KIDINS220: variants seen among roughly 807,000 people sequenced by gnomAD.
KIDINS220 encodes the protein kinase D interacting substrate 220.
Under a neutral mutation model 157.6 loss-of-function variants are expected in KIDINS220, and 63 were observed. That is an observed-to-expected ratio of 0.40 (90% CI 0.33 to 0.49). KIDINS220 has a LOEUF of 0.49. Among genes scored for constraint, KIDINS220 ranks in the 20% least tolerant of loss-of-function variants. The probability of loss-of-function intolerance (pLI) is 0.66; values close to 1 mark genes in which losing one functional copy is unlikely to be tolerated. For missense variants in KIDINS220, 1,772 were observed against 2,171.2 expected (o/e 0.82, Z 3.65); for synonymous variants, 732 against 783.6 (o/e 0.93, Z 1.10).
intron 6 of KIDINS220, among the ~76,000 whole-genome samples, chr2:8,807,499 C>T (rs1474159802): frequency 6.6e-6 from 1 of 152,204 alleles, no homozygotes; most frequent in Non-Finnish European, 1.5e-5. Flanking sequence ...CACTTGAATG[C>T]TATGTGGCTA....
At position 8,827,043 on chromosome 2, in the gene KIDINS220, GT is replaced by G; in HGVS notation, c.50del (p.Asn17ThrfsTer5). On this transcript the variant is annotated frameshift_variant, in exon 2 of 30. Coordinates refer to ENST00000256707, the MANE Select transcript of KIDINS220 (RefSeq NM_020738.4). LOFTEE classifies it high-confidence loss of function. ...CAAGAAGAGCTTTCAGAGCAGGAAT[GT>G]TTTCTTCCTCTACATAATTTATGAC... ...QSVINYVEEENIPALKALLEK... is the reference protein window; with the variant it reads ...QSVINYVEEEXIPALKALLEK... 1 of 1,610,298 alleles carries G rather than the reference GT, an allele frequency of 6.2e-7. No individual in the cohort carries two copies. Among genetic ancestry groups the G allele is most frequent in the Non-Finnish European group, 8.5e-7 (1 of 1,177,538 alleles).
rs369877582 is a variant in KIDINS220 at position 8,798,192 on chromosome 2, C to T, written c.999+10G>A. 1.5e-5 allele frequency: 22 copies of T among 1,504,218 alleles called. No individual in the cohort carries two copies. Among genetic ancestry groups the T allele is most frequent in the Non-Finnish European group, 1.9e-5 (21 of 1,081,298 alleles). The allele number at this position is 1,504,218 out of a possible 1,614,324, so 93.2% of individuals were successfully genotyped here. A position where few individuals can be genotyped will look rare whatever the true frequency, so the allele number is the denominator to read the frequency against. ...AGGTGCTGCTAACAGAATAGAAATG[C>T]CATTTATACCTTTGTGCATATTTCA... On this transcript the variant is annotated intron_variant, in intron 10 of 29. Coordinates refer to ENST00000256707, the MANE Select transcript of KIDINS220 (RefSeq NM_020738.4).
In KIDINS220 at chr2:8,750,161, C is replaced by A; in HGVS notation, c.3365G>T (p.Ser1122Ile). 2 of 1,614,168 alleles carry A rather than the reference C, an allele frequency of 1.2e-6. No homozygotes were observed. Among genetic ancestry groups the A allele is most frequent in the Non-Finnish European group, 1.7e-6 (2 of 1,180,000 alleles). ...AGGVVSPQPH[S>I]SYYSGMTGPQ... ...GCCCGTCATGCCGCTGTAATAGCTGCTGTGAGGCTGTGGTGACACCACTCC... is the reference window on the plus strand; with the variant it reads ...GCCCGTCATGCCGCTGTAATAGCTGATGTGAGGCTGTGGTGACACCACTCC... The change falls in exon 24 of 30, where the codon AGC becomes ATC. Residue 1122 changes from serine (S) to isoleucine (I), a missense_variant. By Grantham distance (142) the Ser-to-Ile change is moderately radical. Transcript: ENST00000256707.
At chr2:8,828,613 G>C (rs771957162) in intron 1 of KIDINS220, among the ~76,000 whole-genome samples, 10 of 152,172 alleles carry the variant, frequency 6.6e-5, no homozygotes, top group Non-Finnish European at 1.2e-4. Context: ...ACTTCTAGAA[G>C]AAAATATAGA....
intron 22 of KIDINS220, among the ~76,000 whole-genome samples, chr2:8,752,731 CT>C (rs1368483871): frequency 2.6e-5 from 4 of 151,868 alleles, no homozygotes; most frequent in Non-Finnish European, 5.9e-5. Flanking sequence ...TAAGTTTTTC[CT>C]TTTTTAAAAA....
chr2:8,797,012 CA>C, intron 10 of KIDINS220, 143 bp from the exon 11 acceptor site: 2 of 672,594 alleles, frequency 3.0e-6, no homozygotes, highest in Non-Finnish European at 5.2e-6. Flanking sequence ...AAGCTAACAA[CA>C]AAAAAATGCT....
chr2:8,759,296 T>C (rs1315078169), intron 22 of KIDINS220, among the ~76,000 whole-genome samples: 2 of 152,102 alleles, frequency 1.3e-5, no homozygotes, highest in African/African-American at 4.8e-5. Flanking sequence ...AAAGCACTTG[T>C]ATAAGCTGCC....
intron 17 of KIDINS220, among the ~76,000 whole-genome samples, chr2:8,780,549 GGT>G (rs371272570): frequency 9.4e-5 from 14 of 149,230 alleles, no homozygotes; most frequent in South Asian, 4.3e-4. Context: ...TGTGGTGGGG[GGT>G]GTGTGTGTGT....
rs559651315 is a variant in KIDINS220, at chr2:8,826,236, C to G, written c.108+750G>C. 7.0e-4 allele frequency among the ~76,000 whole-genome samples: 107 copies of G among 152,210 alleles called. 3 individuals are homozygous for G. In the South Asian group the frequency reaches 0.021, roughly 30 times the overall value. On this transcript the variant is annotated intron_variant, in intron 2 of 29. Coordinates refer to ENST00000256707, the MANE Select transcript of KIDINS220 (RefSeq NM_020738.4). ...TATAATACATAACCTATTTAACTCT[C>G]TAATAAAGATGTAGGGTTTTTAATA...
chr2:8,753,147 G>A (rs895975778), intron 22 of KIDINS220, among the ~76,000 whole-genome samples: 2 of 151,744 alleles, frequency 1.3e-5, no homozygotes, highest in Non-Finnish European at 2.9e-5. Context: ...GAGAAAACTA[G>A]AAACAAATCA....
chr2:8,817,509 A>G (rs1400582383), intron 4 of KIDINS220, 109 bp downstream of exon 4: 4 of 645,214 alleles, frequency 6.2e-6, no homozygotes, highest in Non-Finnish European at 9.6e-6. Flanking sequence ...CCCAAATTCT[A>G]AAAACATTAT....
chr2:8,837,056 C>T (rs887391000), intron 1 of KIDINS220, among the ~76,000 whole-genome samples: 2 of 152,172 alleles, frequency 1.3e-5, no homozygotes, highest in African/African-American at 4.8e-5. Context: ...GAAAACAACA[C>T]CTCCCGGCCC....
rs764278002 is a variant in KIDINS220 at position 8,803,083 on chromosome 2, T to C, written c.648A>G (p.Thr216=). 10 of 1,612,640 alleles carry C rather than the reference T, an allele frequency of 6.2e-6. No individual in the cohort carries two copies. Among genetic ancestry groups the C allele is most frequent in the African/African-American group, 1.3e-5 (1 of 75,058 alleles). The stretch of plus-strand genomic sequence containing the variant: ...TCTTCAAAATTTCTTTTACTGACTG[T>C]GTGTAACCTCCTTTCACTGCCACAA... ...ALIVAVKGGY[T]QSVKEILKRN... Residue 216 remains threonine (T), a synonymous_variant, in exon 8 of 30, where the codon ACA becomes ACG. Transcript: ENST00000256707.
At chr2:8,728,729 G>A (rs1663622102), downstream of KIDINS220, 2 of 373,630 alleles carry the variant, frequency 5.4e-6, no homozygotes, top group African/African-American at 4.4e-5. Context: ...GCACCACTGA[G>A]GCACTGGGAC....
intron 26 of KIDINS220, among the ~76,000 whole-genome samples, chr2:8,738,038 C>T (rs964854822): frequency 6.6e-6 from 1 of 152,080 alleles, no homozygotes; most frequent in African/African-American, 2.4e-5. Context: ...AGTCTCCTTG[C>T]TCTGGATACA....
At chr2:8,807,859 C>T (rs1004430134) in intron 6 of KIDINS220, among the ~76,000 whole-genome samples, 2 of 152,156 alleles carry the variant, frequency 1.3e-5, no homozygotes, top group Non-Finnish European at 1.5e-5. Context: ...CTGTGGCTCA[C>T]GCCTGTAATC....
rs1572547502 is a variant in KIDINS220, at chr2:8,762,597, G to A, written c.3011+8073C>T. Reference sequence around the variant, plus strand: ...TTAAAAATACAAAAAAAATTAGCCGGGCATGGTGGTGGGCGCCTGTAGTCC... The same window carrying A: ...TTAAAAATACAAAAAAAATTAGCCGAGCATGGTGGTGGGCGCCTGTAGTCC... On this transcript the variant is annotated intron_variant, in intron 22 of 29. Transcript: ENST00000256707. Among the ~76,000 whole-genome samples the A allele has an allele frequency of 3.3e-5, 5 of 152,142 alleles. 1 individual carries two copies. Among genetic ancestry groups the A allele is most frequent in the Admixed American group, 3.3e-4 (5 of 15,286 alleles).
chr2:8,791,347 G>A, intron 12 of KIDINS220, 123 bp from the exon 13 acceptor site: 1 of 799,686 alleles, frequency 1.3e-6, no homozygotes, highest in Non-Finnish European at 1.9e-6. Flanking sequence ...TACCCATGTA[G>A]GGACAGTTTC....
At chr2:8,767,252 C>T (rs1260881791) in intron 22 of KIDINS220, among the ~76,000 whole-genome samples, 1 of 151,906 alleles carries the variant, frequency 6.6e-6, no homozygotes, top group East Asian at 1.9e-4. Flanking sequence ...AAGATGGAAA[C>T]AATAATTATA....
Sources: allele counts gnomAD v4.1 joint callset (sites outside exome capture counted in the v4.1 genomes callset), GRCh38; gene constraint gnomAD v4.1.1; transcripts MANE v1.5; gene names NCBI Gene and HGNC (gene_info 2026-07-23, HGNC 2026-07-21).